The following GPCPD1 variants were observed in gnomAD, a reference collection of about 807,000 sequenced individuals.
GPCPD1 encodes glycerophosphocholine phosphodiesterase GPCPD1.
In GPCPD1, 29 loss-of-function variants were observed where a neutral mutation model predicts 89.2. The ratio of observed to expected loss-of-function variants is 0.33; its 90% confidence interval spans 0.24 to 0.44. The LOEUF (loss-of-function observed/expected upper bound fraction) is 0.44, where lower values mean the gene tolerates loss of function less well. GPCPD1 is among the 20% of genes least tolerant of loss of function. GPCPD1 has a pLI of 1.00. For synonymous variants in GPCPD1, 258 were observed against 266.3 expected, an observed-to-expected ratio of 0.97 and a Z score of 0.30; for missense variants, 594 against 808.9, an observed-to-expected ratio of 0.73 and a Z score of 3.22.
intron 15 of GPCPD1, among the ~76,000 whole-genome samples, chr20:5,563,310 A>T (rs1986198623): frequency 6.6e-6 from 1 of 151,992 alleles, no homozygotes; most frequent in South Asian, 2.1e-4. Context: ...TATAATGGCA[A>T]AGTGAGTAAA....
At position 5,574,375 on chromosome 20, in the gene GPCPD1, C is replaced by A. The variant is rs113303459; in HGVS notation, c.1002-406G>T. Among the ~76,000 whole-genome samples the A allele has an allele frequency of 2.0e-4, 30 of 152,280 alleles. 1 individual carries two copies. Among genetic ancestry groups the A allele is most frequent in the African/African-American group, 6.3e-4 (26 of 41,540 alleles). ...GGGGGAATGAGAAACAACTGACACA[C>A]ACACAGGATAGAAGTATGGAAACTC... On this transcript the variant is annotated intron_variant, in intron 10 of 19. Transcript: ENST00000379019.
rs559386967 is a variant in GPCPD1 at position 5,601,984 on chromosome 20, C to T, written c.49+2380G>A. On this transcript the variant is annotated intron_variant, in intron 2 of 19. Transcript: ENST00000379019. Reference sequence around the variant, plus strand: ...AAGATTATGAAGACTTGAATGCTTACTAAAGAAATCTGCAAACAGCACCTC... The same window carrying T: ...AAGATTATGAAGACTTGAATGCTTATTAAAGAAATCTGCAAACAGCACCTC... 2.6e-5 allele frequency among the ~76,000 whole-genome samples: 4 copies of T among 152,312 alleles called. No individual in the cohort carries two copies. The South Asian group carries it at 8.3e-4, about 32-fold the overall frequency.
At chr20:5,550,260 T>C (rs1205821200) in intron 19 of GPCPD1, among the ~76,000 whole-genome samples, 1 of 121,502 alleles carries the variant, frequency 8.2e-6, no homozygotes, top group Non-Finnish European at 1.7e-5. Context: ...GAAAGTAAGA[T>C]TGAGAAAACC....
rs750729120 is a variant in GPCPD1, at chr20:5,565,038, C to A, written c.1308G>T (p.Gln436His). The change falls in exon 15 of 20, where the codon CAG becomes CAT. Residue 436 changes from glutamine (Q) to histidine (H), a missense_variant. Gln to His is a conservative substitution (Grantham distance 24, BLOSUM62 0). Transcript: ENST00000379019. ...VQEENSFSEN[Q>H]PFPSLKMVLE... ...TTACCATCTTAAGAGAAGGAAATGG[C>A]TGATTTTCTGAAAAGGAATTTTCCT... 6.5e-7 allele frequency: 1 copy of A among 1,535,472 alleles called. No individual in the cohort carries two copies. The highest frequency in any genetic ancestry group is 2.2e-5 in the East Asian group (1 of 44,474).
chr20:5,592,465 A>G (rs1436511539), intron 4 of GPCPD1, among the ~76,000 whole-genome samples: 1 of 152,184 alleles, frequency 6.6e-6, no homozygotes, highest in African/African-American at 2.4e-5. Context: ...TGGGTTTGTC[A>G]TTTTTTGTCA....
At chr20:5,593,040 CTAGTT>C (rs1979442633) in intron 4 of GPCPD1, among the ~76,000 whole-genome samples, 1 of 152,182 alleles carries the variant, frequency 6.6e-6, no homozygotes, top group South Asian at 2.1e-4. Context: ...TGGTTCCTAA[CTAGTT>C]TACAAAAGTT....
rs1251920571 is a variant in GPCPD1, at chr20:5,598,838, A to G, written c.50-17T>C. The G allele has an allele frequency of 6.7e-7, 1 of 1,494,978 alleles. No individual in the cohort carries two copies. Among genetic ancestry groups the G allele is most frequent in the African/African-American group, 1.4e-5 (1 of 72,348 alleles). 92.6% of individuals were successfully genotyped at this position (1,494,978 alleles called of 1,614,324 possible). A position where few individuals can be genotyped will look rare whatever the true frequency, so the allele number is the denominator to read the frequency against. On this transcript the variant is annotated splice_polypyrimidine_tract_variant and intron_variant, in intron 2 of 19. Transcript: ENST00000379019. ...AAACTTCTCCTAAAGAAACAGAACA[A>G]TCAGTCACAGAGAAACAGAACAATC... is the stretch of plus-strand genomic sequence containing the variant.
In GPCPD1 at chr20:5,545,829, A is replaced by G. The variant is rs959675811; in HGVS notation, c.*1832T>C. On this transcript the variant is annotated 3_prime_UTR_variant, in exon 20 of 20. Transcript: ENST00000379019. ...AAACTGCTCAGAAGCCACACTCCCC[A>G]TGACCTCCTTCCTTCATCCTTTCTT... 1 of 152,296 alleles carries G rather than the reference A, an allele frequency of 6.6e-6. No individual in the cohort carries two copies. The highest frequency in any genetic ancestry group is 6.5e-5 in the Admixed American group (1 of 15,270). The allele number at this position is 152,296 out of a possible 1,614,324, so 9.4% of individuals were successfully genotyped here.
intron 5 of GPCPD1, chr20:5,585,614 C>CAAAAAAAAAAAACAAAA (rs199524076): frequency 1.3e-5 from 1 of 78,874 alleles, no homozygotes. Context: ...AAACAACTTA[C>CAAAAAAAAAAAACAAAA]AAAAAAAAAA....
intron 3 of GPCPD1, among the ~76,000 whole-genome samples, chr20:5,598,505 A>C (rs1264960518): frequency 6.6e-6 from 1 of 152,162 alleles, no homozygotes; most frequent in Non-Finnish European, 1.5e-5. Flanking sequence ...AAAAAAAAAA[A>C]AAGAAATGAA....
chr20:5,609,544 C>T lies in GPCPD1; in HGVS notation c.-29+1298G>A, dbSNP rs140894247. On this transcript the variant is annotated intron_variant, in intron 1 of 19. Coordinates refer to ENST00000379019, the MANE Select transcript of GPCPD1 (RefSeq NM_019593.5). ...CCATTCATTTTACCGTGATATTATT[C>T]TCTTGTGTATGTTTCATACCTTTTT... 5.1e-3 allele frequency among the ~76,000 whole-genome samples: 774 copies of T among 152,224 alleles called. 5 individuals are homozygous for T. Among genetic ancestry groups the T allele is most frequent in the African/African-American group, 0.017 (704 of 41,538 alleles).
chr20:5,564,642 A>G (rs956869820), intron 15 of GPCPD1, among the ~76,000 whole-genome samples: 6 of 152,154 alleles, frequency 3.9e-5, no homozygotes, highest in Non-Finnish European at 8.8e-5. Context: ...CCTTGAGACC[A>G]GCCTGCGCAA....
intron 19 of GPCPD1, among the ~76,000 whole-genome samples, chr20:5,553,048 C>A (rs898623982): frequency 6.6e-6 from 1 of 152,156 alleles, no homozygotes; most frequent in Admixed American, 6.5e-5. Flanking sequence ...GGATTACAGG[C>A]ATGAACCACC....
At chr20:5,562,986 CTT>C (rs199811350) in intron 15 of GPCPD1, among the ~76,000 whole-genome samples, 8 of 142,558 alleles carry the variant, frequency 5.6e-5, no homozygotes, top group Admixed American at 7.0e-5. Context: ...GTTAAAATTT[CTT>C]TTTTTTTTTT....
chr20:5,578,558 G>C lies in GPCPD1; in HGVS notation c.527C>G (p.Pro176Arg), dbSNP rs376370791. ...LEEDDDDRVSPTVLHKMSNSL... is the reference protein window; with the variant it reads ...LEEDDDDRVSRTVLHKMSNSL... Reference sequence around the variant, plus strand: ...ATTGGACATTTTGTGGAGTACAGTGGGAGATACCCTATCATCGTCATCTTC... The same window carrying C: ...ATTGGACATTTTGTGGAGTACAGTGCGAGATACCCTATCATCGTCATCTTC... Residue 176 changes from proline (P) to arginine (R), a missense_variant, in exon 8 of 20, where the codon CCC becomes CGC. Coordinates refer to ENST00000379019, the MANE Select transcript of GPCPD1 (RefSeq NM_019593.5). 51 of 1,613,594 alleles carry C rather than the reference G, an allele frequency of 3.2e-5. No individual in the cohort carries two copies. The highest frequency in any genetic ancestry group is 4.1e-5 in the Non-Finnish European group (48 of 1,179,612).
At chr20:5,583,723 T>C (rs2122710712) in intron 6 of GPCPD1, among the ~76,000 whole-genome samples, 1 of 152,364 alleles carries the variant, frequency 6.6e-6, no homozygotes, top group East Asian at 1.9e-4. Flanking sequence ...TTACTGTATA[T>C]GCAGATATAC....
chr20:5,561,992 A>G (rs1014726349), intron 15 of GPCPD1, among the ~76,000 whole-genome samples: 8 of 152,240 alleles, frequency 5.3e-5, no homozygotes, highest in African/African-American at 1.4e-4. Context: ...AACAAATCCC[A>G]TAACTTCCTG....
chr20:5,589,188 G>A (rs981243799), intron 4 of GPCPD1, among the ~76,000 whole-genome samples: 5 of 152,008 alleles, frequency 3.3e-5, no homozygotes, highest in African/African-American at 1.2e-4. Flanking sequence ...AATGTACATT[G>A]GTTGGTAAAC....
At chr20:5,570,450 GAC>G (rs1390729333) in intron 11 of GPCPD1, among the ~76,000 whole-genome samples, 2 of 135,640 alleles carry the variant, frequency 1.5e-5, no homozygotes, top group Non-Finnish European at 3.2e-5. Flanking sequence ...AAAAAAAACG[GAC>G]ACAGATTCAC....
Sources: allele counts gnomAD v4.1 joint callset (sites outside exome capture counted in the v4.1 genomes callset), GRCh38; gene constraint gnomAD v4.1.1; transcripts MANE v1.5; gene names NCBI Gene and HGNC (gene_info 2026-07-23, HGNC 2026-07-21).